Variants in CCSER1 observed in about 807,000 individuals in gnomAD.
CCSER1 encodes serine-rich coiled-coil domain-containing protein 1.
Under a neutral mutation model 82.0 loss-of-function variants are expected in CCSER1, and 41 were observed. The observed-to-expected ratio is 0.50, with a 90% CI of 0.39 to 0.65. CCSER1 has a LOEUF of 0.65. Ranked by LOEUF, CCSER1 falls within the 30% of genes least tolerant of loss-of-function variation. The probability of loss-of-function intolerance (pLI) is 0.00; values close to 1 mark genes in which losing one functional copy is unlikely to be tolerated. For missense variants in CCSER1, 1,119 were observed against 1,064.2 expected (o/e 1.05, Z -0.72); for synonymous variants, 414 against 383.9 (o/e 1.08, Z -0.92).
intron 6 of CCSER1, among the ~76,000 whole-genome samples, chr4:90,650,910 TG>T (rs1417858660): frequency 6.6e-6 from 1 of 152,228 alleles, no homozygotes; most frequent in Non-Finnish European, 1.5e-5. Flanking sequence ...GAAGCAGTAT[TG>T]CAAAATGTTT....
intron 10 of CCSER1, among the ~76,000 whole-genome samples, chr4:91,362,729 G>GT (rs751319817): frequency 6.6e-6 from 1 of 151,300 alleles, no homozygotes; most frequent in Admixed American, 6.6e-5. Flanking sequence ...TCCTTTTTTT[G>GT]TTTTTTCTAA....
intron 10 of CCSER1, among the ~76,000 whole-genome samples, chr4:91,169,781 GC>G (rs755747826): frequency 5.3e-5 from 8 of 151,818 alleles, no homozygotes; most frequent in Non-Finnish European, 1.2e-4. Flanking sequence ...AAAAATTATG[GC>G]TGCTCTTCTT....
intron 10 of CCSER1, among the ~76,000 whole-genome samples, chr4:91,568,551 A>G (rs1017231602): frequency 2.0e-5 from 3 of 151,710 alleles, no homozygotes; most frequent in African/African-American, 7.3e-5. Context: ...ATTCATTTTT[A>G]TTTTTGTTTA....
At chr4:90,838,303 A>C (rs1221573631) in intron 8 of CCSER1, among the ~76,000 whole-genome samples, 1 of 151,540 alleles carries the variant, frequency 6.6e-6, no homozygotes, top group Non-Finnish European at 1.5e-5. Flanking sequence ...TATTGTATTT[A>C]TTTAAAACAT....
chr4:90,985,204 G>A (rs1010541110), intron 9 of CCSER1, among the ~76,000 whole-genome samples: 2 of 150,596 alleles, frequency 1.3e-5, no homozygotes, highest in African/African-American at 4.9e-5. Flanking sequence ...TTTTGTAATT[G>A]TAATTAATTA....
intron 9 of CCSER1, among the ~76,000 whole-genome samples, chr4:90,980,081 A>G (rs543445511): frequency 2.0e-5 from 3 of 151,844 alleles, no homozygotes; most frequent in African/African-American, 7.2e-5. Flanking sequence ...GGTGGATGCT[A>G]TTTTGGATAG....
chr4:91,560,588 T>G (rs1434895595), intron 10 of CCSER1, among the ~76,000 whole-genome samples: 1 of 151,518 alleles, frequency 6.6e-6, no homozygotes, highest in Non-Finnish European at 1.5e-5. Context: ...AGGTCAATTT[T>G]TATTTCTTGC....
chr4:91,057,317 T>C (rs1042049947), intron 9 of CCSER1, among the ~76,000 whole-genome samples: 1 of 152,106 alleles, frequency 6.6e-6, no homozygotes, highest in African/African-American at 2.4e-5. Flanking sequence ...ACTCCAGAGT[T>C]CCAAAATAGC....
chr4:91,588,268 A>C (rs1764103542), intron 10 of CCSER1, among the ~76,000 whole-genome samples: 1 of 151,560 alleles, frequency 6.6e-6, no homozygotes, highest in Admixed American at 6.6e-5. Flanking sequence ...AAATAGCCTT[A>C]GATTTTTTTT....
At chr4:90,157,384 G>A (rs888967732) in intron 1 of CCSER1, among the ~76,000 whole-genome samples, 4 of 152,100 alleles carry the variant, frequency 2.6e-5, no homozygotes, top group African/African-American at 9.7e-5. Flanking sequence ...GTAGCTTTGT[G>A]GCATTCTCTG....
chr4:90,205,715 A>C (rs1738673338), intron 1 of CCSER1, among the ~76,000 whole-genome samples: 1 of 152,174 alleles, frequency 6.6e-6, no homozygotes, highest in Non-Finnish European at 1.5e-5. Flanking sequence ...GCTTCATAAA[A>C]CAAGTTAGGG....
chr4:91,225,737 C>CA (rs1162708937), intron 10 of CCSER1, among the ~76,000 whole-genome samples: 1 of 151,782 alleles, frequency 6.6e-6, no homozygotes, highest in Non-Finnish European at 1.5e-5. Flanking sequence ...CCTTTATCCT[C>CA]AGAGTTTGGT....
rs115998669 is a variant in CCSER1 at position 91,427,853 on chromosome 4, G to T, written c.2218-170719G>T. 5.2e-3 allele frequency among the ~76,000 whole-genome samples: 794 copies of T among 152,156 alleles called. 4 individuals carry two copies. Among genetic ancestry groups the T allele is most frequent in the African/African-American group, 0.016 (649 of 41,546 alleles). On this transcript the variant is annotated intron_variant, in intron 10 of 10. Transcript: ENST00000509176. ...TTAAATGATCTGGTGAGATTTAAAT[G>T]ATTCTGTTAGTATGCTTTTAATATG...
chr4:91,183,253 C>T (rs1188481653), intron 10 of CCSER1, among the ~76,000 whole-genome samples: 2 of 152,168 alleles, frequency 1.3e-5, no homozygotes, highest in Non-Finnish European at 2.9e-5. Flanking sequence ...CATTAATAGG[C>T]ATAGCAAAAG....
At chr4:90,979,755 G>A (rs1049347834) in intron 9 of CCSER1, among the ~76,000 whole-genome samples, 18 of 151,720 alleles carry the variant, frequency 1.2e-4, no homozygotes, top group African/African-American at 3.9e-4. Flanking sequence ...GTGATTAATC[G>A]ACCGCGATGA....
At chr4:90,957,752 G>T (rs1030272350) in intron 9 of CCSER1, among the ~76,000 whole-genome samples, 4 of 147,672 alleles carry the variant, frequency 2.7e-5, no homozygotes, top group Non-Finnish European at 4.4e-5. Flanking sequence ...CAAAAGGTAA[G>T]ATTTGGATTT....
intron 6 of CCSER1, among the ~76,000 whole-genome samples, chr4:90,670,917 C>A (rs1206976249): frequency 6.6e-6 from 1 of 151,974 alleles, no homozygotes; most frequent in Non-Finnish European, 1.5e-5. Context: ...GTTCCAGATG[C>A]CACAGCAAAG....
intron 10 of CCSER1, among the ~76,000 whole-genome samples, chr4:91,371,825 G>A (rs1387436482): frequency 1.8e-4 from 6 of 33,658 alleles, no homozygotes; most frequent in Non-Finnish European, 3.1e-4. Flanking sequence ...GACCATCACC[G>A]TAGGACCTAG....
intron 8 of CCSER1, among the ~76,000 whole-genome samples, chr4:90,837,416 T>G (rs905310740): frequency 6.6e-6 from 1 of 152,220 alleles, no homozygotes; most frequent in Non-Finnish European, 1.5e-5. Context: ...TTAGATAGGA[T>G]GGAAATCTTG....
Sources: allele counts gnomAD v4.1 joint callset (sites outside exome capture counted in the v4.1 genomes callset), GRCh38; gene constraint gnomAD v4.1.1; transcripts MANE v1.5; gene names NCBI Gene and HGNC (gene_info 2026-07-23, HGNC 2026-07-21).